Variants in MAP4K5 observed in about 807,000 individuals in gnomAD.
MAP4K5 encodes the protein MAPK/ERK kinase kinase kinase 5.
In MAP4K5, 82 loss-of-function variants were observed where a neutral mutation model predicts 135.6. The observed-to-expected ratio is 0.60, with a 90% CI of 0.51 to 0.73. The LOEUF is 0.73. MAP4K5 is among the 30% of genes least tolerant of loss of function. MAP4K5 has a pLI of 0.00. For missense variants in MAP4K5, 907 were observed against 1,010.9 expected (o/e 0.90, Z 1.39); for synonymous variants, 347 against 335.0 (o/e 1.04, Z -0.39).
At chr14:50,546,365 G>GGTGT (rs143447484) in intron 1 of MAP4K5, among the ~76,000 whole-genome samples, 2 of 150,868 alleles carry the variant, frequency 1.3e-5, no homozygotes, top group South Asian at 4.2e-4. Flanking sequence ...AAAGGTACTG[G>GGTGT]GTGTGTGTGT....
chr14:50,442,586 G>GACCT (rs1415689437), intron 21 of MAP4K5, 146 bp downstream of exon 21: 1 of 588,476 alleles, frequency 1.7e-6, no homozygotes, highest in Non-Finnish European at 3.0e-6. Flanking sequence ...AAACCCTATT[G>GACCT]ACCTATTTAG....
intron 2 of MAP4K5, among the ~76,000 whole-genome samples, chr14:50,537,815 C>T (rs993245646): frequency 6.6e-6 from 1 of 152,172 alleles, no homozygotes; most frequent in African/African-American, 2.4e-5. Context: ...CTGTAGTTAC[C>T]CAATGCCTGT....
At chr14:50,529,745 T>C (rs1026151348) in intron 2 of MAP4K5, among the ~76,000 whole-genome samples, 1 of 151,742 alleles carries the variant, frequency 6.6e-6, no homozygotes, top group East Asian at 1.9e-4. Flanking sequence ...GCAAGCCATA[T>C]AGTGGGGGGC....
chr14:50,503,940 A>G (rs1188246479), intron 3 of MAP4K5, among the ~76,000 whole-genome samples: 1 of 152,016 alleles, frequency 6.6e-6, no homozygotes, highest in African/African-American at 2.4e-5. Context: ...TAAACTTATT[A>G]GGTGGCACTT....
At chr14:50,431,795 A>G (rs1032217916) in intron 28 of MAP4K5, among the ~76,000 whole-genome samples, 2 of 151,992 alleles carry the variant, frequency 1.3e-5, no homozygotes, top group Non-Finnish European at 2.9e-5. Flanking sequence ...GTCAAATGGT[A>G]TTTGTAGTTC....
intron 28 of MAP4K5, among the ~76,000 whole-genome samples, chr14:50,430,152 A>G (rs536302668): frequency 1.3e-5 from 2 of 152,312 alleles, no homozygotes; most frequent in Non-Finnish European, 2.9e-5. Context: ...ATATGAACAC[A>G]TATATACTAA....
At chr14:50,481,014 A>T (rs2037229375) in intron 6 of MAP4K5, among the ~76,000 whole-genome samples, 1 of 151,894 alleles carries the variant, frequency 6.6e-6, no homozygotes, top group Non-Finnish European at 1.5e-5. Flanking sequence ...CTAGAACTAT[A>T]TAAAAGATTA....
rs2035663625 is a variant in MAP4K5 at position 50,418,973 on chromosome 14, AT to A, written c.*1045del. On this transcript the variant is annotated 3_prime_UTR_variant, in exon 33 of 33. Coordinates refer to ENST00000682126, the MANE Select transcript of MAP4K5 (RefSeq NM_006575.6). Reference sequence around the variant, plus strand: ...CCCATCAGGAATTCAATTCATTTAAATATTTTTTTTCTTCTTCAACCTACTC... The same window carrying A: ...CCCATCAGGAATTCAATTCATTTAAAATTTTTTTTCTTCTTCAACCTACTC... 2 of 152,162 alleles carry A rather than the reference AT, an allele frequency of 1.3e-5. No individual in the cohort carries two copies. Among genetic ancestry groups the A allele is most frequent in the Non-Finnish European group, 2.9e-5 (2 of 67,990 alleles). 9.4% of individuals were successfully genotyped at this position (152,162 alleles called of 1,614,324 possible).
In MAP4K5 at chr14:50,440,368, C is replaced by T. The variant is rs774506022; in HGVS notation, c.1638G>A (p.Met546Ile). The T allele has an allele frequency of 1.3e-6, 2 of 1,589,150 alleles. No homozygotes were observed. Among genetic ancestry groups the T allele is most frequent in the South Asian group, 2.3e-5 (2 of 88,480 alleles). ...LNLNELHEATMEQLFPRKCTW... is the reference protein window; with the variant it reads ...LNLNELHEATIEQLFPRKCTW... ...AATTAAAATGCCTAATTACCTGTTC[C>T]ATCGTTGCCTCATGTAGCTCATTGA... Residue 546 changes from methionine to isoleucine, a missense_variant, in exon 22 of 33, where the codon ATG becomes ATA. Physicochemically the swap from Met to Ile is conservative, Grantham distance 10. This residue lies in a region of MAP4K5 where 690 missense variants were observed against 777.4 expected (regional missense o/e 0.89). Transcript: ENST00000682126.
intron 16 of MAP4K5, among the ~76,000 whole-genome samples, chr14:50,446,536 C>T (rs1201201647): frequency 2.6e-5 from 4 of 152,188 alleles, no homozygotes; most frequent in African/African-American, 9.7e-5. Flanking sequence ...TTTCTAAATG[C>T]ACAGAATCTT....
chr14:50,471,093 T>C (rs2036950665), intron 9 of MAP4K5, among the ~76,000 whole-genome samples: 1 of 152,110 alleles, frequency 6.6e-6, no homozygotes, highest in Non-Finnish European at 1.5e-5. Context: ...CCATGGTGGT[T>C]TGCTGCACAG....
chr14:50,424,685 G>A (rs1350378761), intron 31 of MAP4K5, among the ~76,000 whole-genome samples: 1 of 141,620 alleles, frequency 7.1e-6, no homozygotes, highest in Non-Finnish European at 1.5e-5. Flanking sequence ...ACTCCAGCCT[G>A]GGCGACAGTG....
At chr14:50,560,150 C>A in intron 1 of MAP4K5, 1 of 1,251,014 alleles carries the variant, frequency 8.0e-7, no homozygotes, top group Non-Finnish European at 1.1e-6. Flanking sequence ...TCCTCAGAGT[C>A]TGAGCGAACT....
intron 4 of MAP4K5, 116 bp from the exon 5 acceptor site, chr14:50,485,758 G>C (rs1566672534): frequency 1.6e-6 from 1 of 632,150 alleles, no homozygotes; most frequent in Non-Finnish European, 2.8e-6. Context: ...AGTGCAACAG[G>C]AAACTGCTAT....
At chr14:50,426,012 A>G (rs756638903) in intron 30 of MAP4K5, 35 bp from the exon 31 acceptor site, 9 of 1,286,324 alleles carry the variant, frequency 7.0e-6, no homozygotes, top group Non-Finnish European at 1.0e-5. Flanking sequence ...AACTAATATA[A>G]AGCACAGAGC....
At chr14:50,491,830 C>A (rs935108574) in intron 3 of MAP4K5, among the ~76,000 whole-genome samples, 1 of 151,948 alleles carries the variant, frequency 6.6e-6, no homozygotes, top group South Asian at 2.1e-4. Flanking sequence ...GGATTACAGG[C>A]ACATGTCATG....
intron 13 of MAP4K5, among the ~76,000 whole-genome samples, chr14:50,461,997 C>T (rs1405727656): frequency 6.6e-6 from 1 of 151,914 alleles, no homozygotes; most frequent in African/African-American, 2.4e-5. Flanking sequence ...AATAGCCCTA[C>T]AACTAATTAT....
intron 1 of MAP4K5, among the ~76,000 whole-genome samples, chr14:50,550,216 A>G (rs113953573): frequency 2.7e-3 from 415 of 152,366 alleles, no homozygotes; most frequent in South Asian, 0.01. Flanking sequence ...ATTGGCTACT[A>G]TACCCACTCC....
intron 3 of MAP4K5, among the ~76,000 whole-genome samples, chr14:50,487,506 G>A (rs555264548): frequency 1.3e-3 from 191 of 152,252 alleles, no homozygotes; most frequent in African/African-American, 4.4e-3. Flanking sequence ...CTGAATGAAC[G>A]TCTGAGAGAA....
Sources: allele counts gnomAD v4.1 joint callset (sites outside exome capture counted in the v4.1 genomes callset), GRCh38; gene constraint gnomAD v4.1.1; regional missense constraint gnomAD v4.1.1; transcripts MANE v1.5; gene names NCBI Gene and HGNC (gene_info 2026-07-23, HGNC 2026-07-21).